TTC3: variants seen among roughly 807,000 people sequenced by gnomAD.
TTC3 encodes tetratricopeptide repeat domain 3.
Under a neutral mutation model 249.6 loss-of-function variants are expected in TTC3, and 180 were observed. That is an observed-to-expected ratio of 0.72 (90% CI 0.64 to 0.82). TTC3 has a LOEUF of 0.82. Among genes scored for constraint, TTC3 ranks in the 40% least tolerant of loss-of-function variants. The probability of loss-of-function intolerance (pLI) is 0.00; values close to 1 mark genes in which losing one functional copy is unlikely to be tolerated. For synonymous variants in TTC3, 717 were observed against 805.0 expected (o/e 0.89, Z 1.85); for missense variants, 2,061 against 2,398.4 (o/e 0.86, Z 2.94).
At chr21:37,168,898 T>C (rs1345403000) in intron 34 of TTC3, among the ~76,000 whole-genome samples, 1 of 152,028 alleles carries the variant, frequency 6.6e-6, no homozygotes, top group Non-Finnish European at 1.5e-5. Flanking sequence ...GGCCCAGAGG[T>C]TCTACTTCCA....
At chr21:37,195,619 G>GT (rs1555918867) in intron 41 of TTC3, 56 bp from the exon 42 acceptor site, 2 of 1,530,550 alleles carry the variant, frequency 1.3e-6, no homozygotes, top group Non-Finnish European at 1.8e-6. Flanking sequence ...GTCCTTGGGC[G>GT]TTTCATCCTT....
At position 37,157,755 on chromosome 21, in the gene TTC3, C is replaced by T. The variant is rs566832716; in HGVS notation, c.2992+849C>T. On this transcript the variant is annotated intron_variant, in intron 28 of 45. Coordinates refer to ENST00000355666, the Ensembl canonical transcript of TTC3. ...CTAGCTAGCTAGCAGCTAATTCCTT[C>T]TTTTCTCTTAGATCTTAATTTCCTC... Among the ~76,000 whole-genome samples the T allele has an allele frequency of 2.0e-5, 3 of 152,294 alleles. No homozygotes were observed. The East Asian group carries it at 5.8e-4, about 29-fold the overall frequency.
chr21:37,084,116 CTG>C (rs2147639359), intron 1 of TTC3: 1 of 152,204 alleles, frequency 6.6e-6, no homozygotes, highest in Admixed American at 6.5e-5. Flanking sequence ...TCAGAAAGTG[CTG>C]TGTTAAGTCA....
chr21:37,079,920 C>T (rs558914526), intron 1 of TTC3, among the ~76,000 whole-genome samples: 1 of 152,118 alleles, frequency 6.6e-6, no homozygotes, highest in African/African-American at 2.4e-5. Flanking sequence ...TCTGACTTCT[C>T]TTTCTTGATC....
chr21:37,140,478 T>C, intron 19 of TTC3, 83 bp from the exon 20 acceptor site: 1 of 951,814 alleles, frequency 1.1e-6, no homozygotes, highest in Non-Finnish European at 1.5e-6. Context: ...TTTAATATTA[T>C]AAAAAAAATC....
At chr21:37,183,942 A>G (rs1034246414) in intron 36 of TTC3, among the ~76,000 whole-genome samples, 1 of 152,132 alleles carries the variant, frequency 6.6e-6, no homozygotes, top group Admixed American at 6.5e-5. Flanking sequence ...GGGCCACGCT[A>G]CACACTCACC....
chr21:37,156,590 CTA>C, intron 27 of TTC3, 63 bp from the exon 28 acceptor site: 1 of 1,539,778 alleles, frequency 6.5e-7, no homozygotes, highest in Admixed American at 2.1e-5. Flanking sequence ...AGATGTGAAA[CTA>C]AATGTGATTT....
rs763583560 is a variant in TTC3 at position 37,095,343 on chromosome 21, T to G, written c.688-7T>G. On this transcript the variant is annotated splice_polypyrimidine_tract_variant and splice_region_variant and intron_variant, in intron 8 of 45. Transcript: ENST00000355666. Reference sequence around the variant, plus strand: ...TTGATGGGTCTTCTTTCACCTTGGTTTCTCAGGAAGGAGAACTAATGAAAA... The same window carrying G: ...TTGATGGGTCTTCTTTCACCTTGGTGTCTCAGGAAGGAGAACTAATGAAAA... The G allele has an allele frequency of 6.3e-7, 1 of 1,591,186 alleles. No homozygotes were observed. Among genetic ancestry groups the G allele is most frequent in the East Asian group, 2.3e-5 (1 of 44,408 alleles).
intron 11 of TTC3, among the ~76,000 whole-genome samples, chr21:37,120,647 A>G (rs1460187485): frequency 1.3e-5 from 2 of 152,204 alleles, no homozygotes; most frequent in Non-Finnish European, 2.9e-5. Flanking sequence ...ATGAAATGCC[A>G]TATGAATTGG....
At chr21:37,186,979 C>T (rs2083367577) in intron 37 of TTC3, 70 bp from the exon 38 acceptor site, 3 of 931,304 alleles carry the variant, frequency 3.2e-6, no homozygotes, top group Non-Finnish European at 1.6e-6. Context: ...GCTCATCCAG[C>T]CTGAAACCTT....
intron 34 of TTC3, among the ~76,000 whole-genome samples, chr21:37,168,328 G>A (rs1275212206): frequency 6.6e-6 from 1 of 152,150 alleles, no homozygotes; most frequent in Non-Finnish European, 1.5e-5. Context: ...AGATAGAAAA[G>A]AGGAGATGTG....
chr21:37,170,461 A>T lies in TTC3; in HGVS notation c.4468-2134A>T, dbSNP rs1020232275. ...GAAATTTCTGGGAAGGCAGTTAGGA[A>T]TCGATCTGCACTCATATATGTATAG... On this transcript the variant is annotated intron_variant, in intron 34 of 45. Coordinates refer to ENST00000355666, the Ensembl canonical transcript of TTC3. 5.3e-4 allele frequency among the ~76,000 whole-genome samples: 81 copies of T among 152,314 alleles called. 1 individual carries two copies. Among genetic ancestry groups the T allele is most frequent in the East Asian group, 1.2e-3 (6 of 5,184 alleles).
intron 35 of TTC3, among the ~76,000 whole-genome samples, chr21:37,176,215 T>C (rs2082274382): frequency 2.0e-5 from 3 of 152,250 alleles, no homozygotes; most frequent in Non-Finnish European, 2.9e-5. Flanking sequence ...AGAATAAAAT[T>C]CTCATAACAT....
rs758118098 is a variant in TTC3, at chr21:37,197,966, G to A, written c.5791G>A (p.Val1931Ile). The change falls in exon 44 of 46, where the codon GTT becomes ATT. Residue 1931 changes from valine (V) to isoleucine (I), a missense_variant. Val to Ile is a conservative substitution (Grantham distance 29). Transcript: ENST00000355666. Reference sequence around the variant, plus strand: ...GTCCTCCCAGGGCTCACCCTCGGTGGTTGTTGCACCATCACCCAAAACCAA... The same window carrying A: ...GTCCTCCCAGGGCTCACCCTCGGTGATTGTTGCACCATCACCCAAAACCAA... 6.2e-6 allele frequency: 10 copies of A among 1,613,904 alleles called. No individual in the cohort carries two copies. In the South Asian group the frequency reaches 8.8e-5, roughly 14 times the overall value.
At chr21:37,124,678 A>G in exon 14 of TTC3, 1 of 1,613,694 alleles carries the variant, frequency 6.2e-7, no homozygotes, top group South Asian at 1.1e-5. Flanking sequence ...AACTTTGTGG[A>G]GAAGGAAAGA....
chr21:37,185,394 C>T (rs2083148165), intron 36 of TTC3, among the ~76,000 whole-genome samples: 1 of 152,184 alleles, frequency 6.6e-6, no homozygotes, highest in Non-Finnish European at 1.5e-5. Flanking sequence ...TCTCTGGTTA[C>T]ACTGATGATG....
chr21:37,087,422 T>C, intron 2 of TTC3, 21 bp downstream of exon 2: 1 of 1,612,688 alleles, frequency 6.2e-7, no homozygotes, highest in South Asian at 1.1e-5. Flanking sequence ...TTGCTAATTT[T>C]TCATTTTTGA....
chr21:37,124,801 G>T, intron 14 of TTC3, 59 bp downstream of exon 14: 3 of 1,567,366 alleles, frequency 1.9e-6, no homozygotes, highest in African/African-American at 1.4e-5. Context: ...TATTTTTACA[G>T]TAATATTTTG....
chr21:37,082,289 C>G, intron 1 of TTC3: 1 of 156,176 alleles, frequency 6.4e-6, no homozygotes, highest in African/African-American at 2.4e-5. Flanking sequence ...ATCAGACATT[C>G]CCAATGTCTG....
Sources: allele counts gnomAD v4.1 joint callset (sites outside exome capture counted in the v4.1 genomes callset), GRCh38; gene constraint gnomAD v4.1.1; transcripts MANE v1.5; gene names NCBI Gene and HGNC (gene_info 2026-07-23, HGNC 2026-07-21).